Variants in LINGO1 observed in about 807,000 individuals in gnomAD.
LINGO1 encodes leucine-rich repeat and immunoglobulin-like domain-containing nogo receptor-interacting protein 1.
In LINGO1, 11 loss-of-function variants were observed where a neutral mutation model predicts 37.3. The ratio of observed to expected loss-of-function variants is 0.29; its 90% CI spans 0.19 to 0.49. The LOEUF is 0.49. LINGO1 is among the 20% of genes least tolerant of loss of function. The pLI is 0.99. For synonymous variants in LINGO1, 387 were observed against 403.0 expected (o/e 0.96, Z 0.48); for missense variants, 585 against 878.2 (o/e 0.67, Z 4.22).
upstream of LINGO1, among the ~76,000 whole-genome samples, chr15:77,789,772 G>C (rs1446346184): frequency 6.6e-6 from 1 of 151,908 alleles, no homozygotes; most frequent in Non-Finnish European, 1.5e-5. Context: ...TGACACCTTG[G>C]GGTTTGGGGA....
chr15:77,644,616 A>G (rs2074583018), intron 3 of LINGO1, among the ~76,000 whole-genome samples: 1 of 152,206 alleles, frequency 6.6e-6, no homozygotes, highest in African/African-American at 2.4e-5. Flanking sequence ...TGGGCCCCAG[A>G]GCAGAGCTAA....
chr15:77,678,370 T>C (rs542106162), intron 2 of LINGO1, among the ~76,000 whole-genome samples: 12 of 152,342 alleles, frequency 7.9e-5, no homozygotes, highest in African/African-American at 2.9e-4. Flanking sequence ...ACCACTGATC[T>C]GTTTTCTGTT....
At chr15:77,792,955 G>A (rs796249641) in intron 2 of LINGO1, among the ~76,000 whole-genome samples, 6 of 152,336 alleles carry the variant, frequency 3.9e-5, no homozygotes, top group African/African-American at 1.4e-4. Flanking sequence ...ATGTGCACAG[G>A]GAGGGTGGCA....
At chr15:77,658,226 GCT>G (rs1370639014) in intron 3 of LINGO1, among the ~76,000 whole-genome samples, 1 of 152,208 alleles carries the variant, frequency 6.6e-6, no homozygotes, top group Non-Finnish European at 1.5e-5. Flanking sequence ...CTGGGCAGTA[GCT>G]CTTCTCTTCA....
intron 2 of LINGO1, among the ~76,000 whole-genome samples, chr15:77,684,383 T>C (rs533902814): frequency 6.6e-6 from 1 of 152,268 alleles, no homozygotes; most frequent in South Asian, 2.1e-4. Flanking sequence ...CAGCCAGTAA[T>C]TAGAGGGGGT....
intron 3 of LINGO1, among the ~76,000 whole-genome samples, chr15:77,664,076 T>C (rs1383789293): frequency 6.6e-6 from 1 of 151,692 alleles, no homozygotes; most frequent in East Asian, 1.9e-4. Context: ...GAGCCTTCCC[T>C]GGGAGACTGA....
At chr15:77,796,711 CTTT>C (rs59535084) in intron 1 of LINGO1, among the ~76,000 whole-genome samples, 188 of 142,666 alleles carry the variant, frequency 1.3e-3, no homozygotes, top group African/African-American at 2.0e-3. Flanking sequence ...CCTCTCCTGC[CTTT>C]TTTTTTTTTT....
intron 2 of LINGO1, among the ~76,000 whole-genome samples, chr15:77,728,211 G>A (rs2076121606): frequency 6.6e-6 from 1 of 152,200 alleles, no homozygotes; most frequent in Admixed American, 6.5e-5. Flanking sequence ...CCAGGTGCAG[G>A]CATTTTAGGC....
At chr15:77,649,993 CA>C (rs1332695138) in intron 3 of LINGO1, among the ~76,000 whole-genome samples, 3 of 152,244 alleles carry the variant, frequency 2.0e-5, no homozygotes, top group Non-Finnish European at 4.4e-5. Context: ...CAATGCCCCC[CA>C]AATCCCAAGC....
In LINGO1 at chr15:77,614,307, T is replaced by A. The variant is rs1366412028; in HGVS notation, c.1600A>T (p.Asn534Tyr). The change falls in exon 2 of 2, where the codon AAC (asparagine) becomes TAC (tyrosine). Residue 534 changes from asparagine (N) to tyrosine (Y), a missense_variant. By Grantham distance (143) the Asn-to-Tyr change is moderately radical (BLOSUM62 -2). Transcript: ENST00000355300. The part of the protein sequence containing the change: ...QPNKTFAFIS[N>Y]QPGEGEANST... ...TTGGCCTCTCCCTCGCCCGGCTGGT[T>A]GGAGATGAAAGCGAAGGTCTTGTTG... 1.2e-6 allele frequency: 2 copies of A among 1,613,904 alleles called. No individual in the cohort carries two copies. The highest frequency in any genetic ancestry group is 2.2e-5 in the East Asian group (1 of 44,868).
At chr15:77,679,956 G>C (rs1319117723) in intron 2 of LINGO1, among the ~76,000 whole-genome samples, 1 of 152,224 alleles carries the variant, frequency 6.6e-6, no homozygotes, top group Non-Finnish European at 1.5e-5. Flanking sequence ...TTGTACCAGA[G>C]AATTTTATTG....
chr15:77,650,511 G>A (rs568158061), intron 3 of LINGO1, among the ~76,000 whole-genome samples: 2 of 152,278 alleles, frequency 1.3e-5, no homozygotes, highest in South Asian at 2.1e-4. Flanking sequence ...TGTCTGGGCT[G>A]AGCAGTATGA....
At chr15:77,698,211 C>T (rs186814217), upstream of LINGO1, among the ~76,000 whole-genome samples, 13 of 152,244 alleles carry the variant, frequency 8.5e-5, no homozygotes, top group East Asian at 1.9e-3. Context: ...ACAGTGCCAG[C>T]GTCCCACTGA....
chr15:77,625,099 C>G (rs939005160), intron 1 of LINGO1, among the ~76,000 whole-genome samples: 1 of 152,196 alleles, frequency 6.6e-6, no homozygotes, highest in Non-Finnish European at 1.5e-5. Context: ...TATTTGGGAA[C>G]AGCTCAGGCC....
chr15:77,636,183 G>A (rs909559532), upstream of LINGO1, among the ~76,000 whole-genome samples: 3 of 152,298 alleles, frequency 2.0e-5, no homozygotes, highest in Admixed American at 6.5e-5. Flanking sequence ...TGTTAGTCCT[G>A]CTCTCCTTTC....
intron 1 of LINGO1, among the ~76,000 whole-genome samples, chr15:77,797,890 C>T (rs1197465109): frequency 1.3e-5 from 2 of 152,148 alleles, no homozygotes; most frequent in Non-Finnish European, 2.9e-5. Context: ...AATTTCTAGC[C>T]GCGTGGTAGG....
upstream of LINGO1, chr15:77,820,806 C>G (rs989091455): frequency 6.6e-6 from 1 of 152,442 alleles, no homozygotes; most frequent in Non-Finnish European, 1.5e-5. Context: ...CTGAGGCCAC[C>G]GCTGAGACTG....
At chr15:77,795,676 C>T (rs2076866872) in intron 2 of LINGO1, among the ~76,000 whole-genome samples, 1 of 152,214 alleles carries the variant, frequency 6.6e-6, no homozygotes, top group Admixed American at 6.5e-5. Flanking sequence ...CCTTAGAGAC[C>T]TCCCATGCCA....
chr15:77,748,905 TTC>T (rs1431830197), intron 1 of LINGO1, among the ~76,000 whole-genome samples: 2 of 112,100 alleles, frequency 1.8e-5, no homozygotes, highest in Admixed American at 1.3e-4. Context: ...CCTTCCTTCC[TTC>T]TCTTTTTTTT....
Sources: gnomAD v4.1 joint callset for allele counts (sites outside exome capture counted in the v4.1 genomes callset) on GRCh38, gnomAD v4.1.1 for gene constraint, MANE v1.5 for transcripts, NCBI Gene and HGNC (gene_info 2026-07-23, HGNC 2026-07-21) for gene names.